Variants in XKR4 observed in about 807,000 individuals in gnomAD.
XKR4 encodes XK-related protein 4.
A neutral mutation model predicts 53.9 loss-of-function variants in XKR4; 12 were observed. The ratio of observed to expected loss-of-function variants is 0.22; its 90% CI spans 0.14 to 0.36. The LOEUF is 0.36. Ranked by LOEUF, XKR4 falls within the 10% of genes least tolerant of loss-of-function variation. The pLI is 1.00. For synonymous variants in XKR4, 354 were observed against 362.4 expected (o/e 0.98, Z 0.26); for missense variants, 799 against 859.5 (o/e 0.93, Z 0.88).
chr8:55,138,912 G>C (rs1189717380), intron 1 of XKR4, among the ~76,000 whole-genome samples: 2 of 152,226 alleles, frequency 1.3e-5, no homozygotes, highest in Non-Finnish European at 2.9e-5. Context: ...GTCTAATTAA[G>C]TCCTAGAAGA....
intron 2 of XKR4, among the ~76,000 whole-genome samples, chr8:55,410,931 A>C (rs1269740925): frequency 6.6e-6 from 1 of 152,150 alleles, no homozygotes; most frequent in Non-Finnish European, 1.5e-5. Context: ...TTCCCAAGAC[A>C]GATTGAGCCC....
intron 1 of XKR4, among the ~76,000 whole-genome samples, chr8:55,235,980 G>A (rs1291209023): frequency 6.6e-6 from 1 of 152,178 alleles, no homozygotes; most frequent in South Asian, 2.1e-4. Flanking sequence ...ATTGTTCAGA[G>A]GTGTCTTTAT....
rs180848512 is a variant in XKR4 at position 55,479,197 on chromosome 8, G to C, written c.1007-44084G>C. Among the ~76,000 whole-genome samples the C allele has an allele frequency of 6.5e-4, 99 of 152,120 alleles. 1 individual carries two copies. The highest frequency in any genetic ancestry group is 2.4e-3 in the African/African-American group (98 of 41,464). ...TAAAAGACAGAAATTATAACAAACT[G>C]TCTCTCAGACCACAGTGCAATCAAA... On this transcript the variant is annotated intron_variant, in intron 2 of 2. Coordinates refer to ENST00000327381, the MANE Select transcript of XKR4 (RefSeq NM_052898.2).
At chr8:55,391,278 A>C (rs537781706) in intron 2 of XKR4, among the ~76,000 whole-genome samples, 1 of 152,032 alleles carries the variant, frequency 6.6e-6, no homozygotes, top group African/African-American at 2.4e-5. Context: ...CTAAAGATAC[A>C]CCTCCCACAA....
intron 2 of XKR4, among the ~76,000 whole-genome samples, chr8:55,381,189 A>T (rs2658893): frequency 0.46 from 69,397 of 152,108 alleles, 18,085 homozygotes; most frequent in Non-Finnish European, 0.58. Flanking sequence ...ATTAAAATTA[A>T]ATATGATGTA....
intron 2 of XKR4, chr8:55,520,795 T>G (rs1311964676): frequency 6.6e-6 from 1 of 152,568 alleles, no homozygotes; most frequent in Admixed American, 6.5e-5. Context: ...AAACGCAGGC[T>G]GAATTACTCT....
chr8:55,128,362 G>A (rs1006415770), intron 1 of XKR4, among the ~76,000 whole-genome samples: 1 of 152,164 alleles, frequency 6.6e-6, no homozygotes, highest in African/African-American at 2.4e-5. Flanking sequence ...TAGAACTTCT[G>A]TAGTCTCAGC....
rs141513913 is a variant in XKR4, at chr8:55,448,122, T to C, written c.1007-75159T>C. ...TTGTACAATTTTGCAGTTTCTTTCT[T>C]TCTTTGGTATATTTTTAGGTTGCCA... On this transcript the variant is annotated intron_variant, in intron 2 of 2. Coordinates refer to ENST00000327381, the MANE Select transcript of XKR4 (RefSeq NM_052898.2). 1.6e-3 allele frequency among the ~76,000 whole-genome samples: 242 copies of C among 152,360 alleles called. 2 individuals carry two copies. Among genetic ancestry groups the C allele is most frequent in the African/African-American group, 5.4e-3 (224 of 41,586 alleles).
chr8:55,206,475 T>G (rs917011077), intron 1 of XKR4, among the ~76,000 whole-genome samples: 1 of 152,126 alleles, frequency 6.6e-6, no homozygotes, highest in East Asian at 1.9e-4. Context: ...AAATAACTTA[T>G]GAAGCATGTA....
chr8:55,438,946 T>C (rs1315430259), intron 2 of XKR4, among the ~76,000 whole-genome samples: 2 of 151,956 alleles, frequency 1.3e-5, no homozygotes, highest in African/African-American at 4.8e-5. Context: ...AGGAGACCAA[T>C]CTGAAATACC....
intron 1 of XKR4, among the ~76,000 whole-genome samples, chr8:55,200,300 T>C (rs537177679): frequency 4.3e-4 from 65 of 152,300 alleles, no homozygotes; most frequent in African/African-American, 1.4e-3. Context: ...ACTCCTGACT[T>C]CACGTGATCC....
chr8:55,206,158 C>A (rs949112034), intron 1 of XKR4, among the ~76,000 whole-genome samples: 1 of 152,134 alleles, frequency 6.6e-6, no homozygotes, highest in African/African-American at 2.4e-5. Flanking sequence ...AGATTTATTG[C>A]GAAGAGCAAA....
intron 1 of XKR4, among the ~76,000 whole-genome samples, chr8:55,289,753 AAG>A (rs1818986012): frequency 6.7e-6 from 1 of 148,258 alleles, no homozygotes; most frequent in Admixed American, 6.7e-5. Context: ...AAAAGAAAGA[AAG>A]AAAGAGAGAA....
rs1335287738 is a variant in XKR4 at position 55,526,848 on chromosome 8, C to G, written c.*2621C>G. On this transcript the variant is annotated 3_prime_UTR_variant, in exon 3 of 3. Coordinates refer to ENST00000327381, the MANE Select transcript of XKR4 (RefSeq NM_052898.2). Reference sequence around the variant, plus strand: ...TGAAAAATGATGTACTGTGCTTTGACTTGGAGGTGAGATTGGCAGTCAGGA... The same window carrying G: ...TGAAAAATGATGTACTGTGCTTTGAGTTGGAGGTGAGATTGGCAGTCAGGA... 1 of 152,126 alleles carries G rather than the reference C, an allele frequency of 6.6e-6. No homozygotes were observed. The highest frequency in any genetic ancestry group is 1.5e-5 in the Non-Finnish European group (1 of 68,028). The allele number at this position is 152,126 out of a possible 1,614,324, so 9.4% of individuals were successfully genotyped here.
In XKR4 at chr8:55,102,897, T is replaced by A. The variant is rs1440094453; in HGVS notation, c.409T>A (p.Tyr137Asn). The change falls in exon 1 of 3, where the codon TAC becomes AAC. Residue 137 changes from tyrosine to asparagine, a missense_variant. Tyr to Asn is a moderately radical substitution (Grantham distance 143). Around this residue, in one of 3 missense-constraint regions of XKR4, gnomAD observed 476 missense variants for 505.4 expected, o/e 0.94. Transcript: ENST00000327381. The surrounding 1 kb of genome is among the most constrained non-coding windows in gnomAD (Gnocchi z 5.1). ...AGACGTCTGGCTCGCCGTGGACTAC[T>A]ACCTGCGCGGCCAGCGCTGGTGGTT... Reference protein sequence around the residue: ...GTDVWLAVDYYLRGQRWWFGL... With the variant: ...GTDVWLAVDYNLRGQRWWFGL... 1.2e-6 allele frequency: 2 copies of A among 1,612,190 alleles called. No homozygotes were observed. The highest frequency in any genetic ancestry group is 1.7e-5 in the Admixed American group (1 of 60,024).
intron 1 of XKR4, among the ~76,000 whole-genome samples, chr8:55,223,065 A>G (rs1043517347): frequency 2.6e-5 from 4 of 152,184 alleles, no homozygotes; most frequent in Non-Finnish European, 5.9e-5. Flanking sequence ...ACTGAGGTCA[A>G]GACTGCAAGC....
At chr8:55,187,686 G>A (rs1817398234) in intron 1 of XKR4, among the ~76,000 whole-genome samples, 1 of 152,142 alleles carries the variant, frequency 6.6e-6, no homozygotes. Context: ...GTTTGGGGAT[G>A]TTTTATGTTT....
chr8:55,251,245 G>A (rs1463791232), intron 1 of XKR4, among the ~76,000 whole-genome samples: 3 of 152,192 alleles, frequency 2.0e-5, no homozygotes, highest in African/African-American at 7.2e-5. Flanking sequence ...TAAGAATACA[G>A]TCCTTTTCTG....
At chr8:55,138,535 A>G (rs573607789) in intron 1 of XKR4, among the ~76,000 whole-genome samples, 8 of 152,244 alleles carry the variant, frequency 5.3e-5, no homozygotes, top group Non-Finnish European at 1.0e-4. Flanking sequence ...AGTGGTTGCT[A>G]AAGAGCACTT....
Sources: gnomAD v4.1 joint callset for allele counts (sites outside exome capture counted in the v4.1 genomes callset) on GRCh38, gnomAD v4.1.1 for gene constraint, gnomAD v4.1.1 regional missense constraint, Gnocchi (gnomAD v3.1) non-coding constraint, MANE v1.5 for transcripts, NCBI Gene and HGNC (gene_info 2026-07-23, HGNC 2026-07-21) for gene names.